SMC6: variants seen among roughly 807,000 people sequenced by gnomAD.
The protein encoded by SMC6 is structural maintenance of chromosomes 6, also known as structural maintenance of chromosomes protein 6.
Under a neutral mutation model 142.2 loss-of-function variants are expected in SMC6, and 79 were observed. The ratio of observed to expected loss-of-function variants is 0.56; its 90% confidence interval spans 0.46 to 0.67. The LOEUF is 0.67. SMC6 is among the 30% of genes least tolerant of loss of function. The pLI, the probability that SMC6 is intolerant of heterozygous loss-of-function variation, is 0.00. For missense variants in SMC6, 1,072 were observed against 1,284.0 expected, an observed-to-expected ratio of 0.83 and a Z score of 2.52; for synonymous variants, 411 against 412.4, an observed-to-expected ratio of 1.00 and a Z score of 0.04.
chr2:17,720,525 G>C (rs1019845653), intron 11 of SMC6, among the ~76,000 whole-genome samples: 2 of 152,146 alleles, frequency 1.3e-5, no homozygotes, highest in Admixed American at 1.3e-4. Flanking sequence ...ATTGTTTTCA[G>C]TTCTGAGTTC....
intron 9 of SMC6, among the ~76,000 whole-genome samples, chr2:17,721,728 ACT>A (rs1212375322): frequency 6.7e-6 from 1 of 148,540 alleles, no homozygotes; most frequent in Non-Finnish European, 1.5e-5. Context: ...ACAGAGTCTC[ACT>A]CTGTTACCAG....
chr2:17,739,845 G>GACACACACACACAC (rs776038205), intron 4 of SMC6, among the ~76,000 whole-genome samples: 2 of 110,486 alleles, frequency 1.8e-5, no homozygotes, highest in African/African-American at 3.2e-5. Flanking sequence ...CACACACACA[G>GACACACACACACAC]ACACACACAC....
chr2:17,666,949 T>A (rs942748844), intron 26 of SMC6, among the ~76,000 whole-genome samples: 1 of 152,196 alleles, frequency 6.6e-6, no homozygotes, highest in Non-Finnish European at 1.5e-5. Flanking sequence ...ACCATTGTAC[T>A]CTAGCCTGAA....
chr2:17,740,656 A>T, intron 4 of SMC6: 2 of 396,312 alleles, frequency 5.0e-6, no homozygotes, highest in South Asian at 3.7e-5. Context: ...GGAGTTTGAG[A>T]TCAGCCTGGC....
chr2:17,678,844 A>T lies in SMC6; in HGVS notation c.2910+15T>A, dbSNP rs774882932. The T allele has an allele frequency of 3.9e-6, 6 of 1,521,540 alleles. No individual in the cohort carries two copies. The Admixed American group carries it at 1.1e-4, about 28-fold the overall frequency. 94.3% of individuals were successfully genotyped at this position (1,521,540 alleles called of 1,614,324 possible). A position where few individuals can be genotyped will look rare whatever the true frequency, so the allele number is the denominator to read the frequency against. On this transcript the variant is annotated intron_variant, in intron 25 of 27. Transcript: ENST00000448223. ...TTTTTCTAATGATTAGGATGAAAAG[A>T]ATTAGGATACTTACTGATATACTTA...
chr2:17,679,043 T>C (rs570804612), intron 24 of SMC6, 79 bp from the exon 25 acceptor site: 6 of 921,362 alleles, frequency 6.5e-6, no homozygotes, highest in Non-Finnish European at 9.9e-6. Flanking sequence ...TCTAAGCATG[T>C]GAGAAAACCA....
chr2:17,695,110 C>T, intron 23 of SMC6, 42 bp downstream of exon 23: 2 of 1,602,166 alleles, frequency 1.2e-6, no homozygotes, highest in Non-Finnish European at 1.7e-6. Context: ...TGATGATATG[C>T]ATGAATAATG....
chr2:17,686,808 G>A (rs1572265423), intron 23 of SMC6, among the ~76,000 whole-genome samples: 1 of 152,192 alleles, frequency 6.6e-6, no homozygotes, highest in Non-Finnish European at 1.5e-5. Context: ...GAATGACAGT[G>A]ATGTCAAACA....
intron 9 of SMC6, among the ~76,000 whole-genome samples, chr2:17,724,027 G>A (rs1363604990): frequency 3.3e-5 from 5 of 151,872 alleles, no homozygotes; most frequent in Non-Finnish European, 5.9e-5. Flanking sequence ...AATTGTTACT[G>A]GTATACTTTG....
intron 27 of SMC6, among the ~76,000 whole-genome samples, chr2:17,666,184 C>T (rs1433503099): frequency 6.6e-6 from 1 of 152,118 alleles, no homozygotes; most frequent in Non-Finnish European, 1.5e-5. Context: ...TACAAAGAAG[C>T]AGACTCAAAA....
At chr2:17,680,206 G>A (rs182988817) in intron 24 of SMC6, 1 of 152,200 alleles carries the variant, frequency 6.6e-6, no homozygotes, top group East Asian at 1.9e-4. Context: ...CTAAGACTGG[G>A]TAAACAATAT....
chr2:17,684,423 G>A (rs1667359131), intron 23 of SMC6, among the ~76,000 whole-genome samples: 1 of 152,062 alleles, frequency 6.6e-6, no homozygotes, highest in Non-Finnish European at 1.5e-5. Flanking sequence ...ATATTTATGG[G>A]GAAAATATGA....
chr2:17,733,331 C>A (rs1352113265), intron 5 of SMC6, among the ~76,000 whole-genome samples: 3 of 152,156 alleles, frequency 2.0e-5, no homozygotes, highest in Admixed American at 1.3e-4. Context: ...ATTTTCCATC[C>A]CATCCTCTTG....
chr2:17,667,960 CT>C (rs562962201), intron 26 of SMC6, among the ~76,000 whole-genome samples: 26 of 152,274 alleles, frequency 1.7e-4, no homozygotes, highest in Middle Eastern at 3.4e-3. Context: ...GGCTATATTG[CT>C]CAATGGCTCT....
chr2:17,669,991 A>G (rs1056281178), intron 26 of SMC6, among the ~76,000 whole-genome samples: 2 of 152,216 alleles, frequency 1.3e-5, no homozygotes, highest in African/African-American at 4.8e-5. Context: ...TTGCTCGCTT[A>G]TGTTCTGTAC....
intron 25 of SMC6, 143 bp from the exon 26 acceptor site, chr2:17,670,718 C>A (rs1666715779): frequency 6.3e-6 from 5 of 792,460 alleles, no homozygotes; most frequent in African/African-American, 1.8e-5. Context: ...AATACCCATT[C>A]CTTTCAAAAA....
At chr2:17,736,527 C>G (rs1368877843) in intron 5 of SMC6, among the ~76,000 whole-genome samples, 1 of 152,022 alleles carries the variant, frequency 6.6e-6, no homozygotes. Context: ...AACGTGCTAT[C>G]TGGCCAAGTA....
At chr2:17,684,079 T>C (rs1410340247) in intron 23 of SMC6, among the ~76,000 whole-genome samples, 2 of 151,922 alleles carry the variant, frequency 1.3e-5, no homozygotes, top group Non-Finnish European at 1.5e-5. Context: ...ATACACACCT[T>C]CAAAAAGGGA....
chr2:17,741,800 G>A (rs957885099), intron 3 of SMC6, 71 bp from the exon 4 acceptor site: 2 of 984,084 alleles, frequency 2.0e-6, no homozygotes, highest in African/African-American at 3.3e-5. Context: ...AGCATTGTTG[G>A]CATCAGAAAG....
Sources: gnomAD v4.1 joint callset for allele counts (sites outside exome capture counted in the v4.1 genomes callset) on GRCh38, gnomAD v4.1.1 for gene constraint, MANE v1.5 for transcripts, NCBI Gene and HGNC (gene_info 2026-07-23, HGNC 2026-07-21) for gene names.